USF3: variants seen among roughly 807,000 people sequenced by gnomAD.
USF3 encodes the protein basic helix-loop-helix domain-containing protein USF3.
A neutral mutation model predicts 157.5 loss-of-function variants in USF3; 29 were observed. The observed-to-expected ratio is 0.18, with a 90% CI of 0.14 to 0.25. USF3 has a LOEUF of 0.25. Among genes scored for constraint, USF3 ranks in the 10% least tolerant of loss-of-function variants. The pLI, the probability that USF3 is intolerant of heterozygous loss-of-function variation, is 1.00. For missense variants in USF3, 2,381 were observed against 2,667.6 expected (o/e 0.89, Z 2.37); for synonymous variants, 893 against 941.4 (o/e 0.95, Z 0.94).
chr3:113,654,764 TG>T lies in USF3; in HGVS notation c.*179del, dbSNP rs2107914320. Reference sequence around the variant, plus strand: ...ATGCAGTTGAAAACGAAAGATAACTTGTTTTCTGACAACCCAGTATCTGCAT... The same window carrying T: ...ATGCAGTTGAAAACGAAAGATAACTTTTTTCTGACAACCCAGTATCTGCAT... On this transcript the variant is annotated 3_prime_UTR_variant, in exon 7 of 7. Coordinates refer to ENST00000316407, the MANE Select transcript of USF3 (RefSeq NM_001009899.4). 1.0e-5 allele frequency: 6 copies of T among 593,690 alleles called. No homozygotes were observed. Among genetic ancestry groups the T allele is most frequent in the Middle Eastern group, 4.4e-4 (1 of 2,248 alleles). The allele number at this position is 593,690 out of a possible 1,614,324, so 36.8% of individuals were successfully genotyped here.
chr3:113,680,160 C>T (rs1335958225), intron 1 of USF3, among the ~76,000 whole-genome samples: 1 of 130,672 alleles, frequency 7.7e-6, no homozygotes, highest in Non-Finnish European at 1.6e-5. Context: ...CTCTATTTTT[C>T]TTAACAGGAC....
In USF3 at chr3:113,656,403, A is replaced by C. The variant is rs571513442; in HGVS notation, c.5279T>G (p.Ile1760Arg). 2.1e-5 allele frequency: 34 copies of C among 1,614,034 alleles called. No homozygotes were observed. The highest frequency in any genetic ancestry group is 2.8e-5 in the Non-Finnish European group (33 of 1,180,016). The change falls in exon 7 of 7, where the codon ATA (isoleucine) becomes AGA (arginine). Residue 1760 changes from isoleucine (I) to arginine (R), a missense_variant. By Grantham distance (97) the Ile-to-Arg change is moderately conservative (BLOSUM62 -3). Transcript: ENST00000316407. ...CCGCAATGATGATACAGGGTTACCT[A>C]TTTCATTGTTTCTTGAAGATTGTAC... is the stretch of plus-strand genomic sequence containing the variant. Reference protein sequence around the residue: ...FEVQSSRNNEIGNPVSSLRSM... With the variant: ...FEVQSSRNNERGNPVSSLRSM...
chr3:113,654,974 A>G lies in USF3; in HGVS notation c.6708T>C (p.Ile2236=). ...SNRPAHNISH[I]LGHDCSSAV ...CAGCTGAACTGCAATCATGACCTAG[A>G]ATATGGCTTATGTTATGGGCAGGTC... Residue 2236 remains isoleucine, a synonymous_variant, in exon 7 of 7, where the codon ATT becomes ATC. Transcript: ENST00000316407. 1 of 1,612,868 alleles carries G rather than the reference A, an allele frequency of 6.2e-7. No homozygotes were observed. Among genetic ancestry groups the G allele is most frequent in the African/African-American group, 1.3e-5 (1 of 75,038 alleles).
Position 113,660,937 on chromosome 3 carries a change from G to A in USF3, c.745C>T (p.Leu249Phe), listed in dbSNP as rs188978265. The change falls in exon 7 of 7, where the codon CTT (leucine) becomes TTT (phenylalanine). Residue 249 changes from leucine to phenylalanine, a missense_variant. Leu to Phe is a conservative substitution (Grantham distance 22, BLOSUM62 0). Coordinates refer to ENST00000316407, the MANE Select transcript of USF3 (RefSeq NM_001009899.4). ...LPTSESESNV[L>F]GATSGSLIAV... ...ATCAGTGAGCCACTAGTGGCACCAA[G>A]CACATTTGATTCGCTTTCAGAGGTG... The A allele has an allele frequency of 1.2e-5, 19 of 1,614,178 alleles. No homozygotes were observed. In the East Asian group the frequency reaches 4.0e-4, roughly 34 times the overall value.
rs1947287955 is a variant in USF3, at chr3:113,652,804, A to T, written c.*2140T>A. Reference sequence around the variant, plus strand: ...AACCCCGTCTCTACTAAAAATATAAAAATTAGCCAGGTGTAGTGGCACAGA... The same window carrying T: ...AACCCCGTCTCTACTAAAAATATAATAATTAGCCAGGTGTAGTGGCACAGA... On this transcript the variant is annotated 3_prime_UTR_variant, in exon 7 of 7. Coordinates refer to ENST00000316407, the MANE Select transcript of USF3 (RefSeq NM_001009899.4). 5.9e-6 allele frequency: 1 copy of T among 170,322 alleles called. No individual in the cohort carries two copies. Among genetic ancestry groups the T allele is most frequent in the Non-Finnish European group, 1.3e-5 (1 of 79,768 alleles). The allele number at this position is 170,322 out of a possible 1,614,324, so 10.6% of individuals were successfully genotyped here. A position where few individuals can be genotyped will look rare whatever the true frequency, so the allele number is the denominator to read the frequency against.
Position 113,654,762 on chromosome 3 carries a change from C to T in USF3, c.*182G>A. On this transcript the variant is annotated 3_prime_UTR_variant, in exon 7 of 7. Transcript: ENST00000316407. Reference sequence around the variant, plus strand: ...CCATGCAGTTGAAAACGAAAGATAACTTGTTTTCTGACAACCCAGTATCTG... The same window carrying T: ...CCATGCAGTTGAAAACGAAAGATAATTTGTTTTCTGACAACCCAGTATCTG... 3.4e-6 allele frequency: 2 copies of T among 587,114 alleles called. No homozygotes were observed. Among genetic ancestry groups the T allele is most frequent in the Non-Finnish European group, 2.8e-6 (1 of 352,912 alleles). 36.4% of individuals were successfully genotyped at this position (587,114 alleles called of 1,614,324 possible).
At position 113,662,038 on chromosome 3, in the gene USF3, G is replaced by A. The variant is rs140619015; in HGVS notation, c.257-613C>T. 9.7e-3 allele frequency among the ~76,000 whole-genome samples: 1,484 copies of A among 152,218 alleles called. 22 individuals are homozygous for A. The highest frequency in any genetic ancestry group is 0.032 in the African/African-American group (1,326 of 41,520). On this transcript the variant is annotated intron_variant, in intron 6 of 6. Coordinates refer to ENST00000316407, the MANE Select transcript of USF3 (RefSeq NM_001009899.4). ...ATTTTCATATTTTTAGTAGATTCAG[G>A]GTTTCGCCATGTTGGCCAGGCTGGT...
At chr3:113,696,077 C>T (rs924069332) in intron 1 of USF3, among the ~76,000 whole-genome samples, 8 of 152,248 alleles carry the variant, frequency 5.3e-5, no homozygotes. Flanking sequence ...GCCCCTCTCG[C>T]CCCGCGCGCA....
intron 1 of USF3, among the ~76,000 whole-genome samples, chr3:113,693,380 G>T (rs1181509605): frequency 6.6e-6 from 1 of 152,176 alleles, no homozygotes; most frequent in Non-Finnish European, 1.5e-5. Context: ...TTATGGCAGT[G>T]TGCTAAGTGC....
chr3:113,691,323 T>A (rs1284350590), intron 1 of USF3, among the ~76,000 whole-genome samples: 5 of 152,248 alleles, frequency 3.3e-5, no homozygotes, highest in African/African-American at 1.2e-4. Context: ...ACAAGTTGTT[T>A]ACACTTACTA....
At chr3:113,689,034 A>AAAACAAACAAACAAAC (rs112775519) in intron 1 of USF3, among the ~76,000 whole-genome samples, 20 of 150,278 alleles carry the variant, frequency 1.3e-4, no homozygotes, top group Admixed American at 6.0e-4. Flanking sequence ...CCATCTCAAA[A>AAAACAAACAAACAAAC]AAACAAACAA....
chr3:113,662,765 C>A (rs1465733683), intron 6 of USF3, among the ~76,000 whole-genome samples: 1 of 152,104 alleles, frequency 6.6e-6, no homozygotes, highest in African/African-American at 2.4e-5. Context: ...TTACTCTGTG[C>A]TAGGCTTTAA....
chr3:113,657,526 C>T lies in USF3; in HGVS notation c.4156G>A (p.Val1386Ile). The change falls in exon 7 of 7, where the codon GTT becomes ATT. Residue 1386 changes from valine (V) to isoleucine (I), a missense_variant. Around this residue, in one of 6 missense-constraint regions of USF3, gnomAD observed 1,435 missense variants for 1,550.9 expected, o/e 0.93. Transcript: ENST00000316407. ...TGAGCTGGGTTGCTAACAGGCACAA[C>T]TGAGTTTGAAGAATTAGGAGGGATC... ...SQIPPNSSNS[V>I]VPVSNPAHGD... is the part of the protein sequence containing the mutation. 2 of 1,614,094 alleles carry T rather than the reference C, an allele frequency of 1.2e-6. No homozygotes were observed. Among genetic ancestry groups the T allele is most frequent in the South Asian group, 1.1e-5 (1 of 91,076 alleles).
chr3:113,656,254 C>T lies in USF3; in HGVS notation c.5428G>A (p.Asp1810Asn). Residue 1810 changes from aspartate to asparagine, a missense_variant, in exon 7 of 7, where the codon GAC (aspartate) becomes AAC (asparagine). Physicochemically the swap from Asp to Asn is conservative, Grantham distance 23 (BLOSUM62 1). Coordinates refer to ENST00000316407, the MANE Select transcript of USF3 (RefSeq NM_001009899.4). ...IPTGNGIPSRDSENTCHQSFM... is the reference protein window; with the variant it reads ...IPTGNGIPSRNSENTCHQSFM... ...CTTTGGTGACAAGTATTTTCACTGT[C>T]CCTTGATGGAATACCATTTCCTGTT... 6.2e-7 allele frequency: 1 copy of T among 1,614,156 alleles called. No homozygotes were observed. The highest frequency in any genetic ancestry group is 8.5e-7 in the Non-Finnish European group (1 of 1,180,040).
At chr3:113,675,318 C>CA (rs967287729) in intron 2 of USF3, among the ~76,000 whole-genome samples, 33 of 151,474 alleles carry the variant, frequency 2.2e-4, no homozygotes, top group South Asian at 6.3e-4. Context: ...ACTCTGAACA[C>CA]AAAAAAAACA....
At chr3:113,695,751 T>C (rs1451225594) in intron 1 of USF3, among the ~76,000 whole-genome samples, 1 of 152,198 alleles carries the variant, frequency 6.6e-6, no homozygotes, top group African/African-American at 2.4e-5. Context: ...ATTGTAAACA[T>C]GAACAAGAGT....
chr3:113,649,125 A>G lies in USF3; in HGVS notation c.*5819T>C, dbSNP rs930489889. The G allele has an allele frequency of 5.2e-5, 8 of 152,404 alleles. No homozygotes were observed. Among genetic ancestry groups the G allele is most frequent in the African/African-American group, 1.9e-4 (8 of 41,444 alleles). The allele number at this position is 152,404 out of a possible 1,614,324, so 9.4% of individuals were successfully genotyped here. ...AGCACAGAGAAGTCTTAGAAAAGTG[A>G]AGGGATTTAGATACATCTAACTTTA... On this transcript the variant is annotated 3_prime_UTR_variant, in exon 7 of 7. Transcript: ENST00000316407.
chr3:113,693,702 G>A (rs1214002597), intron 1 of USF3, among the ~76,000 whole-genome samples: 4 of 152,130 alleles, frequency 2.6e-5, no homozygotes, highest in South Asian at 2.1e-4. Flanking sequence ...GCCACATACC[G>A]TAAGCCTAAA....
chr3:113,664,241 T>C (rs1049044126), intron 6 of USF3, 72 bp downstream of exon 6: 5 of 973,548 alleles, frequency 5.1e-6, no homozygotes, highest in African/African-American at 5.0e-5. Context: ...TGTCATAATA[T>C]AAATTTCACT....
Sources: allele counts gnomAD v4.1 joint callset (sites outside exome capture counted in the v4.1 genomes callset), GRCh38; gene constraint gnomAD v4.1.1; regional missense constraint gnomAD v4.1.1; transcripts MANE v1.5; gene names NCBI Gene and HGNC (gene_info 2026-07-23, HGNC 2026-07-21).